Variants in C8orf88 observed in about 807,000 individuals in gnomAD.
C8orf88 encodes the protein uncharacterized protein C8orf88.
In C8orf88, 14 loss-of-function variants were observed where a neutral mutation model predicts 18.4. The observed-to-expected ratio is 0.76, with a 90% confidence interval of 0.50 to 1.19. C8orf88 has a LOEUF of 1.19. C8orf88 is among the 50% of genes most tolerant of loss of function. The probability of loss-of-function intolerance (pLI) is 0.00; values close to 1 mark genes in which losing one functional copy is unlikely to be tolerated. For missense variants in C8orf88, 116 were observed against 134.7 expected (o/e 0.86, Z 0.69); for synonymous variants, 45 against 42.9 (o/e 1.05, Z -0.19).
intron 4 of C8orf88, among the ~76,000 whole-genome samples, chr8:90,965,248 AT>A (rs1402512714): frequency 1.3e-5 from 2 of 151,786 alleles, no homozygotes; most frequent in Non-Finnish European, 2.9e-5. Flanking sequence ...TTAGACAAAA[AT>A]AGACATTAAG....
intron 4 of C8orf88, among the ~76,000 whole-genome samples, chr8:90,967,485 C>T (rs1811218098): frequency 6.6e-6 from 1 of 151,700 alleles, no homozygotes; most frequent in Admixed American, 6.6e-5. Context: ...GTTAATTGTT[C>T]TTCAAGTGTT....
intron 1 of C8orf88, among the ~76,000 whole-genome samples, chr8:90,982,161 T>C (rs2740773): frequency 0.48 from 73,275 of 151,956 alleles, 20,684 homozygotes; most frequent in Non-Finnish European, 0.64. Flanking sequence ...TGTTAGCTAG[T>C]ATTTCAACGT....
chr8:90,972,750 A>G (rs992061291), intron 3 of C8orf88, among the ~76,000 whole-genome samples: 16 of 152,116 alleles, frequency 1.1e-4, no homozygotes, highest in African/African-American at 3.6e-4. Flanking sequence ...AAGTACACAG[A>G]TAAGAAACAG....
chr8:90,984,641 C>G (rs943373888), intron 1 of C8orf88, among the ~76,000 whole-genome samples: 2 of 152,086 alleles, frequency 1.3e-5, no homozygotes, highest in Non-Finnish European at 2.9e-5. Flanking sequence ...TGGGCTAAAG[C>G]TGTCCAGGTA....
chr8:90,966,519 A>AATAAT (rs1811201641), intron 4 of C8orf88, among the ~76,000 whole-genome samples: 1 of 148,432 alleles, frequency 6.7e-6, no homozygotes, highest in East Asian at 2.0e-4. Context: ...TAATAATAAT[A>AATAAT]ATAAAGAATT....
chr8:90,983,690 A>C (rs979248482), intron 1 of C8orf88, among the ~76,000 whole-genome samples: 1 of 152,122 alleles, frequency 6.6e-6, no homozygotes. Flanking sequence ...TGAACGGTGG[A>C]AGAAAATTAT....
Position 90,958,896 on chromosome 8 carries a change from C to A in C8orf88, c.*111G>T. 1.6e-6 allele frequency: 1 copy of A among 633,540 alleles called. No homozygotes were observed. Among genetic ancestry groups the A allele is most frequent in the Non-Finnish European group, 2.6e-6 (1 of 387,236 alleles). 39.2% of individuals were successfully genotyped at this position (633,540 alleles called of 1,614,324 possible). ...CTCATTTTTAGAGAAGTCAAATAGC[C>A]AACCATCAAAATTAAGAATAAATTG... On this transcript the variant is annotated 3_prime_UTR_variant, in exon 6 of 6. Transcript: ENST00000517562.
intron 4 of C8orf88, among the ~76,000 whole-genome samples, chr8:90,967,575 T>G (rs1261346229): frequency 1.3e-5 from 2 of 151,938 alleles, no homozygotes; most frequent in East Asian, 3.9e-4. Context: ...GGTTTTTAAT[T>G]ACTAATTCAA....
intron 4 of C8orf88, among the ~76,000 whole-genome samples, chr8:90,962,525 A>G (rs1174259018): frequency 6.6e-6 from 1 of 151,630 alleles, no homozygotes; most frequent in African/African-American, 2.4e-5. Context: ...GGGAATACTT[A>G]GTGAAGAAAA....
chr8:90,960,663 G>C, intron 5 of C8orf88, 79 bp downstream of exon 5: 2 of 717,740 alleles, frequency 2.8e-6, no homozygotes, highest in South Asian at 2.3e-5. Flanking sequence ...TAAAAATCTA[G>C]AGGTAGAGTC....
chr8:90,964,542 A>G (rs1291175961), intron 4 of C8orf88, among the ~76,000 whole-genome samples: 3 of 151,690 alleles, frequency 2.0e-5, no homozygotes, highest in Non-Finnish European at 4.4e-5. Flanking sequence ...CTTAAAGGAT[A>G]GTACACAACT....
chr8:90,974,758 GT>G (rs1811323597), intron 3 of C8orf88, among the ~76,000 whole-genome samples: 1 of 152,006 alleles, frequency 6.6e-6, no homozygotes, highest in Non-Finnish European at 1.5e-5. Flanking sequence ...CTTTCTTTTA[GT>G]TTTTAAAGTT....
intron 4 of C8orf88, among the ~76,000 whole-genome samples, chr8:90,966,534 A>C (rs1805311117): frequency 6.7e-6 from 1 of 149,122 alleles, no homozygotes. Context: ...AGAATTCACC[A>C]ACCAAGTCTC....
chr8:90,971,640 G>A (rs1811285063), intron 3 of C8orf88, among the ~76,000 whole-genome samples: 1 of 151,996 alleles, frequency 6.6e-6, no homozygotes, highest in East Asian at 1.9e-4. Flanking sequence ...CCAATGAGAG[G>A]AAGAAAATCA....
chr8:90,976,531 A>G (rs1811353833), intron 3 of C8orf88, among the ~76,000 whole-genome samples: 1 of 152,112 alleles, frequency 6.6e-6, no homozygotes, highest in Non-Finnish European at 1.5e-5. Flanking sequence ...TAGCTGCTAG[A>G]ACAAATACAA....
chr8:90,965,252 A>G (rs892395451), intron 4 of C8orf88, among the ~76,000 whole-genome samples: 2 of 151,828 alleles, frequency 1.3e-5, no homozygotes, highest in African/African-American at 2.4e-5. Context: ...ACAAAAATAG[A>G]CATTAAGACA....
rs183973705 is a variant in C8orf88, at chr8:90,971,235, T to C, written c.148-94A>G. Reference sequence around the variant, plus strand: ...CCAAAAATATTTTCCTAATAATAAATGCATTTAGTAGGAGCTAAGTAATAA... The same window carrying C: ...CCAAAAATATTTTCCTAATAATAAACGCATTTAGTAGGAGCTAAGTAATAA... On this transcript the variant is annotated intron_variant, in intron 3 of 5. Coordinates refer to ENST00000517562, the MANE Select transcript of C8orf88 (RefSeq NM_001190972.2). The C allele has an allele frequency of 3.4e-4, 201 of 595,134 alleles. 1 individual carries two copies. The highest frequency in any genetic ancestry group is 2.8e-3 in the African/African-American group (148 of 52,184). 36.9% of individuals were successfully genotyped at this position (595,134 alleles called of 1,614,324 possible).
chr8:90,978,012 G>T (rs1041373778), intron 3 of C8orf88, among the ~76,000 whole-genome samples: 3 of 152,030 alleles, frequency 2.0e-5, no homozygotes, highest in African/African-American at 7.2e-5. Flanking sequence ...TAAGAAACTG[G>T]TACAATGCAT....
chr8:90,981,624 A>C (rs1811436469), intron 1 of C8orf88, among the ~76,000 whole-genome samples: 1 of 152,194 alleles, frequency 6.6e-6, no homozygotes, highest in South Asian at 2.1e-4. Context: ...TTTCTAAAAT[A>C]TATCACAGTA....
Sources: allele counts gnomAD v4.1 joint callset (sites outside exome capture counted in the v4.1 genomes callset), GRCh38; gene constraint gnomAD v4.1.1; transcripts MANE v1.5; gene names NCBI Gene and HGNC (gene_info 2026-07-23, HGNC 2026-07-21).